GBA1: variants seen among roughly 807,000 people sequenced by gnomAD.
The protein encoded by GBA1 is glucosylceramidase beta 1.
the GBA1 span, chr1:155,244,500 G>C: frequency 6.6e-6 from 1 of 152,344 alleles, no homozygotes; most frequent in African/African-American, 2.4e-5. Context: ...TATTCATTAC[G>C]CCTACCGTCG....
chr1:155,239,069 T>A, the GBA1 span, among the ~76,000 whole-genome samples: 2 of 151,428 alleles, frequency 1.3e-5, no homozygotes, highest in Admixed American at 6.6e-5. Context: ...ATACAAAAAA[T>A]TAGCCGGGCG....
At chr1:155,244,627 T>TGCAGCCCGACCACCC in the GBA1 span, 1 of 152,234 alleles carries the variant, frequency 6.6e-6, no homozygotes, top group Admixed American at 6.5e-5. Context: ...GAAGGCAGGA[T>TGCAGCCCGACCACCC]GCAGCCCGAC....
At chr1:155,238,819 G>A in the GBA1 span, 1 of 716,444 alleles carries the variant, frequency 1.4e-6, no homozygotes, top group Non-Finnish European at 2.4e-6. Flanking sequence ...AGGCCTTTCT[G>A]AGCCTGAGTC....
the GBA1 span, chr1:155,239,989 CG>C: frequency 6.2e-7 from 1 of 1,613,966 alleles, no homozygotes; most frequent in Non-Finnish European, 8.5e-7. Context: ...CAGGAAAGGT[CG>C]GGGGGTCAAA....
At chr1:155,241,294 A>G in the GBA1 span, 2 of 663,662 alleles carry the variant, frequency 3.0e-6, no homozygotes, top group Non-Finnish European at 5.5e-6. Flanking sequence ...GGAGCGTCAC[A>G]TGACACAGGA....
chr1:155,236,903 C>T, the GBA1 span, among the ~76,000 whole-genome samples: 4 of 152,094 alleles, frequency 2.6e-5, no homozygotes, highest in African/African-American at 9.7e-5. Flanking sequence ...CTCGCTCAGC[C>T]TCCCAGGCTG....
chr1:155,242,678 T>G, the GBA1 span, among the ~76,000 whole-genome samples: 2 of 151,488 alleles, frequency 1.3e-5, no homozygotes, highest in Non-Finnish European at 2.9e-5. Context: ...TGGAGTGCAG[T>G]GTGATCTCGG....
chr1:155,235,855 G>C, the GBA1 span: 8 of 1,614,122 alleles, frequency 5.0e-6, no homozygotes, highest in Non-Finnish European at 6.8e-6. Context: ...CTAGGGTAAG[G>C]ACAAAGGCAA....
the GBA1 span, chr1:155,241,170 T>C: frequency 3.2e-6 from 5 of 1,553,934 alleles, no homozygotes; most frequent in African/African-American, 4.1e-5. Flanking sequence ...CTCTGAAGGA[T>C]AGAGGATCCA....
the GBA1 span, chr1:155,240,176 C>T: frequency 1.7e-6 from 2 of 1,196,772 alleles, no homozygotes; most frequent in Admixed American, 1.9e-5. Context: ...AAATTCCTCA[C>T]CCCTTGGCCG....
chr1:155,237,490 G>T, the GBA1 span: 1 of 1,613,824 alleles, frequency 6.2e-7, no homozygotes, highest in African/African-American at 1.3e-5. Context: ...CACTGGAAGG[G>T]GTATCCACTC....
At chr1:155,243,040 ATTG>A in the GBA1 span, among the ~76,000 whole-genome samples, 3 of 152,196 alleles carry the variant, frequency 2.0e-5, no homozygotes, top group African/African-American at 7.2e-5. Context: ...ACCTCACAGA[ATTG>A]TTGTGAGGTT....
At chr1:155,241,222 G>T in the GBA1 span, 2 of 1,030,390 alleles carry the variant, frequency 1.9e-6, no homozygotes, top group Non-Finnish European at 3.0e-6. Context: ...TTAGCTATAG[G>T]CACTAGGTTA....
At chr1:155,242,619 ATT>A in the GBA1 span, among the ~76,000 whole-genome samples, 3,331 of 142,192 alleles carry the variant, frequency 0.023, 116 homozygotes, top group African/African-American at 0.079. Context: ...TCCTCCAGTA[ATT>A]TTTTTTTTTT....
the GBA1 span, chr1:155,235,329 T>G: frequency 6.2e-7 from 1 of 1,608,138 alleles, no homozygotes; most frequent in Non-Finnish European, 8.5e-7. Flanking sequence ...TGGGAACAGA[T>G]GGTCAGAGTC....
At chr1:155,235,866 A>G in the GBA1 span, 122 of 1,614,142 alleles carry the variant, frequency 7.6e-5, no homozygotes, top group African/African-American at 5.5e-4. Flanking sequence ...ACAAAGGCAA[A>G]GAGACAAAGG....
the GBA1 span, chr1:155,241,379 A>C: frequency 1.8e-6 from 1 of 569,992 alleles, no homozygotes; most frequent in Non-Finnish European, 3.2e-6. Context: ...ATGCCCTATA[A>C]AACTCTGGAG....
chr1:155,242,143 T>G, the GBA1 span, among the ~76,000 whole-genome samples: 1 of 152,214 alleles, frequency 6.6e-6, no homozygotes, highest in Non-Finnish European at 1.5e-5. Flanking sequence ...CAAAGGGTGG[T>G]TACTGCAGTC....
chr1:155,237,036 T>C, the GBA1 span, among the ~76,000 whole-genome samples: 1 of 152,002 alleles, frequency 6.6e-6, no homozygotes, highest in Non-Finnish European at 1.5e-5. Flanking sequence ...AGATAATTTT[T>C]TTTTTTTGTA....
Sources: allele counts gnomAD v4.1 joint callset (sites outside exome capture counted in the v4.1 genomes callset), GRCh38; gene constraint gnomAD v4.1.1; transcripts MANE v1.5; gene names NCBI Gene and HGNC (gene_info 2026-07-23, HGNC 2026-07-21).